L2HGDH: variants seen among roughly 807,000 people sequenced by gnomAD.
L2HGDH encodes the protein L-2-hydroxyglutarate dehydrogenase, mitochondrial.
Under a neutral mutation model 51.5 loss-of-function variants are expected in L2HGDH, and 34 were observed. The ratio of observed to expected loss-of-function variants is 0.66; its 90% CI spans 0.50 to 0.88. L2HGDH has a LOEUF of 0.88. Ranked by LOEUF, L2HGDH falls within the 40% of genes least tolerant of loss-of-function variation. L2HGDH has a pLI of 0.00. For synonymous variants in L2HGDH, 198 were observed against 197.9 expected (o/e 1.00, Z -0.01); for missense variants, 558 against 571.9 (o/e 0.98, Z 0.25).
chr14:50,284,895 T>C (rs1890483715), intron 4 of L2HGDH, among the ~76,000 whole-genome samples: 1 of 152,226 alleles, frequency 6.6e-6, no homozygotes, highest in Admixed American at 6.5e-5. Flanking sequence ...AAGATCTCAC[T>C]CTTGTATTCA....
rs184260546 is a variant in L2HGDH at position 50,242,504 on chromosome 14, A to G, written c.*4554T>C. On this transcript the variant is annotated 3_prime_UTR_variant, in exon 10 of 10. Coordinates refer to ENST00000267436, the MANE Select transcript of L2HGDH (RefSeq NM_024884.3). Reference sequence around the variant, plus strand: ...AATACAAGCAATTAACAACATCAACAACAACAACAAACCCACAATACTTTC... The same window carrying G: ...AATACAAGCAATTAACAACATCAACGACAACAACAAACCCACAATACTTTC... 358 of 982,726 alleles carry G rather than the reference A, an allele frequency of 3.6e-4. 1 individual carries two copies. Among genetic ancestry groups the G allele is most frequent in the Admixed American group, 8.6e-4 (14 of 16,274 alleles). The allele number at this position is 982,726 out of a possible 1,614,324, so 60.9% of individuals were successfully genotyped here. A position where few individuals can be genotyped will look rare whatever the true frequency, so the allele number is the denominator to read the frequency against.
chr14:50,280,313 C>T (rs902487509), intron 5 of L2HGDH, among the ~76,000 whole-genome samples: 3 of 151,434 alleles, frequency 2.0e-5, no homozygotes, highest in East Asian at 2.0e-4. Context: ...ATTACAGGCA[C>T]GTATCACCAC....
chr14:50,272,504 T>A (rs1321431822), intron 6 of L2HGDH, among the ~76,000 whole-genome samples: 1 of 152,168 alleles, frequency 6.6e-6, no homozygotes, highest in Admixed American at 6.5e-5. Flanking sequence ...TGTAGGCAAA[T>A]CACAGCACAG....
intron 9 of L2HGDH, among the ~76,000 whole-genome samples, chr14:50,264,982 A>G (rs1272936961): frequency 1.3e-5 from 2 of 152,234 alleles, no homozygotes; most frequent in Non-Finnish European, 2.9e-5. Flanking sequence ...ATTAAGGCCA[A>G]AAGGCTTTGG....
At chr14:50,271,454 T>C (rs2061790008) in intron 6 of L2HGDH, among the ~76,000 whole-genome samples, 1 of 152,246 alleles carries the variant, frequency 6.6e-6, no homozygotes, top group Non-Finnish European at 1.5e-5. Flanking sequence ...CATTTTATGC[T>C]ATATGTGAAA....
intron 4 of L2HGDH, 128 bp from the exon 5 acceptor site, chr14:50,284,161 CAAT>C: frequency 1.3e-6 from 1 of 799,772 alleles, no homozygotes; most frequent in Admixed American, 2.3e-5. Flanking sequence ...CTTGCTGCTA[CAAT>C]GAGTTTTTCT....
chr14:50,286,247 G>C (rs1236886906), intron 4 of L2HGDH, among the ~76,000 whole-genome samples: 2 of 152,180 alleles, frequency 1.3e-5, no homozygotes, highest in South Asian at 4.1e-4. Flanking sequence ...GCAGACCAGA[G>C]GGCAGAGTAG....
chr14:50,265,476 G>A lies in L2HGDH; in HGVS notation c.1078C>T (p.Leu360=). The A allele has an allele frequency of 6.2e-7, 1 of 1,612,928 alleles. No homozygotes were observed. The highest frequency in any genetic ancestry group is 8.5e-7 in the Non-Finnish European group (1 of 1,179,292). Residue 360 remains leucine, a synonymous_variant, in exon 9 of 10, where the codon CTG becomes TTG. Transcript: ENST00000267436. ...DIIINSGLIK[L]ASQNFSYGVT... ...CCATAGGAAAAATTCTGGGATGCCA[G>A]TTTAATCAAGCCACTGAAAACAGAG...
At chr14:50,306,602 T>G (rs1470655050) in intron 1 of L2HGDH, among the ~76,000 whole-genome samples, 1 of 34,478 alleles carries the variant, frequency 2.9e-5, no homozygotes, top group Non-Finnish European at 8.1e-5. Flanking sequence ...GTTTTGGGGT[T>G]TTTTTTTTTT....
chr14:50,282,883 A>G (rs1393709568), intron 5 of L2HGDH, among the ~76,000 whole-genome samples: 1 of 152,138 alleles, frequency 6.6e-6, no homozygotes, highest in Admixed American at 6.5e-5. Flanking sequence ...TCTACAAAAA[A>G]TACAAAAATT....
At chr14:50,281,270 T>G (rs191549930) in intron 5 of L2HGDH, among the ~76,000 whole-genome samples, 11 of 152,200 alleles carry the variant, frequency 7.2e-5, no homozygotes, top group Admixed American at 7.2e-4. Context: ...TCATGAAAAT[T>G]TTTTTCTCTC....
At position 50,294,287 on chromosome 14, in the gene L2HGDH, T is replaced by C. The variant is rs779779693; in HGVS notation, c.409-41A>G. 9 of 1,593,554 alleles carry C rather than the reference T, an allele frequency of 5.6e-6. No individual in the cohort carries two copies. The South Asian group carries it at 7.7e-5, about 14-fold the overall frequency. On this transcript the variant is annotated intron_variant, in intron 3 of 9. Coordinates refer to ENST00000267436, the MANE Select transcript of L2HGDH (RefSeq NM_024884.3). Reference sequence around the variant, plus strand: ...GGTAAGGAGCATGGATAGAGGTGAATGTATCATCAGCGATGAAAGATAAAG... The same window carrying C: ...GGTAAGGAGCATGGATAGAGGTGAACGTATCATCAGCGATGAAAGATAAAG...
chr14:50,296,394 A>AC (rs1445143496), intron 3 of L2HGDH, among the ~76,000 whole-genome samples: 10 of 150,168 alleles, frequency 6.7e-5, no homozygotes, highest in African/African-American at 1.9e-4. Flanking sequence ...AAAAAAAAAA[A>AC]AAACTTATAT....
At chr14:50,249,251 A>G (rs1220545425) in intron 9 of L2HGDH, among the ~76,000 whole-genome samples, 6 of 152,008 alleles carry the variant, frequency 3.9e-5, no homozygotes, top group Non-Finnish European at 7.4e-5. Flanking sequence ...AAGGACTCCA[A>G]CTCCTCAGCT....
chr14:50,254,053 G>A (rs1237541694), intron 9 of L2HGDH, among the ~76,000 whole-genome samples: 1 of 152,008 alleles, frequency 6.6e-6, no homozygotes, highest in East Asian at 1.9e-4. Flanking sequence ...GGATTTACAG[G>A]GGAGGTGGGG....
chr14:50,310,196 G>A (rs537323274), intron 1 of L2HGDH, among the ~76,000 whole-genome samples: 5 of 151,798 alleles, frequency 3.3e-5, no homozygotes, highest in African/African-American at 7.3e-5. Flanking sequence ...GGGTAAATGG[G>A]GTGAAGGGTA....
intron 4 of L2HGDH, 138 bp downstream of exon 4, chr14:50,293,977 G>T: frequency 9.8e-7 from 1 of 1,023,476 alleles, no homozygotes; most frequent in African/African-American, 1.6e-5. Flanking sequence ...ATGCCCTCTT[G>T]TGTCTGTCAC....
chr14:50,261,802 T>C (rs1420805492), intron 9 of L2HGDH, among the ~76,000 whole-genome samples: 3 of 151,960 alleles, frequency 2.0e-5, no homozygotes, highest in Non-Finnish European at 4.4e-5. Context: ...ACATTAAGAG[T>C]CTTAGAGACC....
chr14:50,294,097 C>T lies in L2HGDH; in HGVS notation c.540+18G>A. 1.2e-6 allele frequency: 2 copies of T among 1,613,238 alleles called. No individual in the cohort carries two copies. The highest frequency in any genetic ancestry group is 1.7e-6 in the Non-Finnish European group (2 of 1,179,478). On this transcript the variant is annotated intron_variant, in intron 4 of 9. Transcript: ENST00000267436. The stretch of plus-strand genomic sequence containing the variant: ...GGACTAAGCCCTAAATAAAAACATC[C>T]CTTTGTTAATCACTTACCCTACAAT...
Sources: allele counts gnomAD v4.1 joint callset (sites outside exome capture counted in the v4.1 genomes callset), GRCh38; gene constraint gnomAD v4.1.1; transcripts MANE v1.5; gene names NCBI Gene and HGNC (gene_info 2026-07-23, HGNC 2026-07-21).